Variants in GCH1 observed in about 807,000 individuals in gnomAD.
GCH1 encodes GTP cyclohydrolase I.
In GCH1, 5 loss-of-function variants were observed where a neutral mutation model predicts 25.9. The ratio of observed to expected loss-of-function variants is 0.19; its 90% CI spans 0.10 to 0.41. GCH1 has a LOEUF of 0.41. Among genes scored for constraint, GCH1 ranks in the 10% least tolerant of loss-of-function variants. The pLI, the probability that GCH1 is intolerant of heterozygous loss-of-function variation, is 1.00. For synonymous variants in GCH1, 159 were observed against 129.6 expected (o/e 1.23, Z -1.54); for missense variants, 261 against 336.5 (o/e 0.78, Z 1.75).
intron 1 of GCH1, among the ~76,000 whole-genome samples, chr14:54,889,657 A>G (rs1248239339): frequency 6.6e-6 from 1 of 152,222 alleles, no homozygotes; most frequent in Non-Finnish European, 1.5e-5. Flanking sequence ...AAGAGGCAGC[A>G]GCCACCTCCC....
intron 1 of GCH1, among the ~76,000 whole-genome samples, chr14:54,874,867 C>T (rs1228081665): frequency 2.0e-5 from 3 of 152,198 alleles, no homozygotes; most frequent in Non-Finnish European, 4.4e-5. Flanking sequence ...GAAGAACATT[C>T]CATGCTCATG....
intron 5 of GCH1, 42 bp from the exon 6 acceptor site, chr14:54,844,185 G>A: frequency 7.1e-7 from 1 of 1,402,206 alleles, no homozygotes; most frequent in Non-Finnish European, 1.0e-6. Flanking sequence ...GGAGTAGACA[G>A]CTGCTGGTTT....
At chr14:54,879,756 T>C (rs762587581) in intron 1 of GCH1, among the ~76,000 whole-genome samples, 1 of 151,936 alleles carries the variant, frequency 6.6e-6, no homozygotes, top group African/African-American at 2.4e-5. Flanking sequence ...TCCCAGCACG[T>C]TCGGAGGCCG....
Position 54,843,705 on chromosome 14 carries a change from T to C in GCH1, c.*312A>G, listed in dbSNP as rs777775035. The C allele has an allele frequency of 6.2e-6, 10 of 1,609,918 alleles. No individual in the cohort carries two copies. The highest frequency in any genetic ancestry group is 1.7e-5 in the Admixed American group (1 of 59,248). On this transcript the variant is annotated 3_prime_UTR_variant, in exon 6 of 6. Coordinates refer to ENST00000491895, the MANE Select transcript of GCH1 (RefSeq NM_000161.3). ...CTTATGAGGCAAATTACTGTACTAT[T>C]TGAAAAAAATACACTAATTCTTCTC...
chr14:54,859,589 G>C, intron 3 of GCH1, 92 bp downstream of exon 3: 1 of 808,694 alleles, frequency 1.2e-6, no homozygotes, highest in East Asian at 2.4e-5. Context: ...ATCCATACAG[G>C]TAAAGAGAGA....
At chr14:54,844,436 G>GA (rs1451843761) in intron 5 of GCH1, among the ~76,000 whole-genome samples, 2 of 152,252 alleles carry the variant, frequency 1.3e-5, no homozygotes, top group East Asian at 3.9e-4. Context: ...CCAAAAAGGG[G>GA]AAAAATGGAA....
intron 1 of GCH1, among the ~76,000 whole-genome samples, chr14:54,873,030 C>A (rs996784151): frequency 6.6e-6 from 1 of 151,874 alleles, no homozygotes; most frequent in Non-Finnish European, 1.5e-5. Context: ...AACTCTCCAC[C>A]CCAAATCAAC....
At chr14:54,865,219 T>C (rs926158015) in intron 2 of GCH1, 108 bp downstream of exon 2, 35 of 656,976 alleles carry the variant, frequency 5.3e-5, no homozygotes, top group African/African-American at 2.6e-4. Context: ...TAATTGTAAA[T>C]ACCTGAGATA....
intron 1 of GCH1, among the ~76,000 whole-genome samples, chr14:54,896,709 A>G (rs555954185): frequency 1.1e-4 from 16 of 151,798 alleles, no homozygotes; most frequent in Non-Finnish European, 5.9e-5. Context: ...TCAGGAGATC[A>G]AGACCATCCT....
chr14:54,850,964 C>T (rs969580470), intron 3 of GCH1, among the ~76,000 whole-genome samples: 18 of 152,246 alleles, frequency 1.2e-4, no homozygotes, highest in Admixed American at 4.6e-4. Flanking sequence ...GGAGGCATCA[C>T]GCTACCTGAC....
intron 3 of GCH1, among the ~76,000 whole-genome samples, chr14:54,856,124 C>G (rs902686744): frequency 1.3e-5 from 2 of 152,224 alleles, no homozygotes; most frequent in African/African-American, 4.8e-5. Context: ...ATAGGCCTTG[C>G]TCCTACCCTC....
chr14:54,872,190 A>G (rs1281276052), intron 1 of GCH1, among the ~76,000 whole-genome samples: 2 of 152,206 alleles, frequency 1.3e-5, no homozygotes, highest in East Asian at 3.8e-4. Context: ...GGGGGCCAAT[A>G]TTCAACATTC....
chr14:54,874,001 A>C (rs191099125), intron 1 of GCH1, among the ~76,000 whole-genome samples: 5,542 of 152,292 alleles, frequency 0.036, 151 homozygotes, highest in Middle Eastern at 0.054. Context: ...TTATGAGGCC[A>C]GCATCATCCT....
At chr14:54,847,992 G>A (rs574237563) in intron 3 of GCH1, among the ~76,000 whole-genome samples, 1 of 152,198 alleles carries the variant, frequency 6.6e-6, no homozygotes, top group East Asian at 1.9e-4. Flanking sequence ...CCTATTAGGA[G>A]AATCAGATTG....
At chr14:54,848,618 C>A (rs985320529) in intron 3 of GCH1, among the ~76,000 whole-genome samples, 1 of 152,116 alleles carries the variant, frequency 6.6e-6, no homozygotes, top group Non-Finnish European at 1.5e-5. Context: ...GGCTCTTCCC[C>A]CAACTACACG....
At chr14:54,901,163 T>C (rs1018910144) in intron 1 of GCH1, among the ~76,000 whole-genome samples, 2 of 151,404 alleles carry the variant, frequency 1.3e-5, no homozygotes, top group African/African-American at 2.4e-5. Context: ...TTTCCCAGGG[T>C]CTATTTGGTG....
chr14:54,852,525 C>T (rs1201794283), intron 3 of GCH1, among the ~76,000 whole-genome samples: 3 of 152,166 alleles, frequency 2.0e-5, no homozygotes, highest in African/African-American at 7.2e-5. Context: ...CTAACGTGTG[C>T]ATCTTTGGGA....
At chr14:54,860,014 T>G (rs535876625) in intron 2 of GCH1, among the ~76,000 whole-genome samples, 6 of 152,230 alleles carry the variant, frequency 3.9e-5, no homozygotes, top group African/African-American at 1.4e-4. Flanking sequence ...ATGCGGGAGA[T>G]TGCTTCCAGG....
intron 1 of GCH1, among the ~76,000 whole-genome samples, chr14:54,900,183 T>C (rs1449811202): frequency 6.6e-6 from 1 of 150,424 alleles, no homozygotes; most frequent in Non-Finnish European, 1.5e-5. Context: ...TTTTAAATAG[T>C]AAAACTTGAC....
Sources: allele counts gnomAD v4.1 joint callset (sites outside exome capture counted in the v4.1 genomes callset), GRCh38; gene constraint gnomAD v4.1.1; transcripts MANE v1.5; gene names NCBI Gene and HGNC (gene_info 2026-07-23, HGNC 2026-07-21).